ADD3: variants seen among roughly 807,000 people sequenced by gnomAD.
ADD3 encodes adducin 3.
A neutral mutation model predicts 80.2 loss-of-function variants in ADD3; 25 were observed. That is an observed-to-expected ratio of 0.31 (90% CI 0.23 to 0.44). The LOEUF (loss-of-function observed/expected upper bound fraction) is 0.44, where lower values mean the gene tolerates loss of function less well. ADD3 is among the 20% of genes least tolerant of loss of function. The pLI is 1.00. For missense variants in ADD3, 829 were observed against 847.5 expected (o/e 0.98, Z 0.27); for synonymous variants, 284 against 289.6 (o/e 0.98, Z 0.20).
At chr10:110,049,848 C>G (rs1425357454) in intron 1 of ADD3, among the ~76,000 whole-genome samples, 1 of 149,700 alleles carries the variant, frequency 6.7e-6, no homozygotes, top group African/African-American at 2.5e-5. Context: ...GATCGCGCCA[C>G]TGCACTCCAG....
chr10:110,119,416 G>A lies in ADD3; in HGVS notation c.862-50G>A, dbSNP rs369831974. ...TGCTGCTGCTGTTGATGAAAACAGT[G>A]TGAGCTATGCCAGTTATTTCAAGTG... On this transcript the variant is annotated intron_variant, in intron 7 of 14. Coordinates refer to ENST00000356080, the MANE Select transcript of ADD3 (RefSeq NM_016824.5). 173 of 1,613,336 alleles carry A rather than the reference G, an allele frequency of 1.1e-4. No homozygotes were observed. In the African/African-American group the frequency reaches 2.0e-3, roughly 19 times the overall value.
upstream of ADD3, chr10:110,005,988 A>ATGCTGC (rs200976177): frequency 7.2e-5 from 18 of 249,498 alleles, 2 homozygotes; most frequent in South Asian, 6.1e-4. Flanking sequence ...GCTGCTGCTA[A>ATGCTGC]TGCTGCTGCT....
intron 1 of ADD3, among the ~76,000 whole-genome samples, chr10:110,085,592 A>G (rs1205504990): frequency 1.3e-5 from 2 of 152,218 alleles, no homozygotes; most frequent in Admixed American, 1.3e-4. Context: ...GGAGATCTGC[A>G]TGGCATCGGA....
intron 10 of ADD3, 143 bp from the exon 11 acceptor site, chr10:110,125,683 A>G: frequency 2.1e-6 from 1 of 478,682 alleles, no homozygotes; most frequent in Non-Finnish European, 3.5e-6. Flanking sequence ...TATGAGATGA[A>G]ACTAATTCAC....
chr10:110,054,172 G>C (rs1857857017), intron 1 of ADD3, among the ~76,000 whole-genome samples: 1 of 152,162 alleles, frequency 6.6e-6, no homozygotes, highest in African/African-American at 2.4e-5. Context: ...AGATGTACCT[G>C]ACTTTGATTA....
intron 1 of ADD3, among the ~76,000 whole-genome samples, chr10:110,016,806 A>G (rs1853055397): frequency 6.6e-6 from 1 of 152,158 alleles, no homozygotes; most frequent in South Asian, 2.1e-4. Context: ...ATTTTCCAAA[A>G]ACTTACTGTG....
At chr10:110,049,153 C>G (rs1857215528) in intron 1 of ADD3, among the ~76,000 whole-genome samples, 1 of 152,196 alleles carries the variant, frequency 6.6e-6, no homozygotes, top group African/African-American at 2.4e-5. Context: ...TGGTTTTGAG[C>G]CTGTGGGTGC....
At chr10:110,132,924 CAAAAAA>C (rs60435351) in intron 14 of ADD3, among the ~76,000 whole-genome samples, 7 of 66,272 alleles carry the variant, frequency 1.1e-4, no homozygotes, top group African/African-American at 2.0e-4. Flanking sequence ...GACTCCGCCT[CAAAAAA>C]AAAAAAAAAA....
rs1341215222 is a variant in ADD3 at position 110,011,083 on chromosome 10, T to G, written c.-30+2784T>G. Among the ~76,000 whole-genome samples the G allele has an allele frequency of 2.2e-5, 3 of 133,832 alleles. No individual in the cohort carries two copies. The East Asian group carries it at 7.0e-4, about 31-fold the overall frequency. The allele number at this position is 133,832 out of a possible 152,430, so 87.8% of individuals were successfully genotyped here. A position where few individuals can be genotyped will look rare whatever the true frequency, so the allele number is the denominator to read the frequency against. On this transcript the variant is annotated intron_variant, in intron 1 of 14. Coordinates refer to ENST00000356080, the MANE Select transcript of ADD3 (RefSeq NM_016824.5). ...TTTCTAATTACTAAAGATACTAAAG[T>G]CTTTTTTTTTTTTTTTGAAGCTTAC...
In ADD3 at chr10:110,135,286, T is replaced by C. The variant is rs1853517994; in HGVS notation, c.*1668T>C. ...TTAATGTTCTACATCATTTATGTTGTATTACAATGTATGTAGAAATAGTAA... is the reference window on the plus strand; with the variant it reads ...TTAATGTTCTACATCATTTATGTTGCATTACAATGTATGTAGAAATAGTAA... On this transcript the variant is annotated 3_prime_UTR_variant, in exon 15 of 15. Coordinates refer to ENST00000356080, the MANE Select transcript of ADD3 (RefSeq NM_016824.5). 1 of 152,686 alleles carries C rather than the reference T, an allele frequency of 6.5e-6. No homozygotes were observed. Among genetic ancestry groups the C allele is most frequent in the Non-Finnish European group, 1.5e-5 (1 of 68,048 alleles). 9.5% of individuals were successfully genotyped at this position (152,686 alleles called of 1,614,324 possible). A position where few individuals can be genotyped will look rare whatever the true frequency, so the allele number is the denominator to read the frequency against.
chr10:110,015,084 A>G (rs955963290), intron 1 of ADD3, among the ~76,000 whole-genome samples: 1 of 152,164 alleles, frequency 6.6e-6, no homozygotes, highest in African/African-American at 2.4e-5. Flanking sequence ...CATGTTGGCC[A>G]GGATGGGAAG....
chr10:110,011,687 G>A (rs971637038), intron 1 of ADD3, among the ~76,000 whole-genome samples: 8 of 152,104 alleles, frequency 5.3e-5, no homozygotes, highest in African/African-American at 1.2e-4. Flanking sequence ...CCTTTTAAAC[G>A]TAGACCTATT....
intron 1 of ADD3, among the ~76,000 whole-genome samples, chr10:110,083,769 C>T (rs762902187): frequency 4.6e-5 from 7 of 152,082 alleles, no homozygotes; most frequent in African/African-American, 7.2e-5. Flanking sequence ...TTTTGGAAAA[C>T]TATAGTAGTT....
chr10:110,128,736 A>G (rs1852530135), intron 12 of ADD3, among the ~76,000 whole-genome samples: 1 of 152,204 alleles, frequency 6.6e-6, no homozygotes, highest in Non-Finnish European at 1.5e-5. Flanking sequence ...ATTTTTAATA[A>G]GAGTTCTTAT....
chr10:110,122,321 G>C (rs1249643291), intron 9 of ADD3, 29 bp downstream of exon 9: 1 of 1,599,178 alleles, frequency 6.3e-7, no homozygotes, highest in Non-Finnish European at 8.5e-7. Context: ...GTAAAACTTG[G>C]ATTTAATGTC....
chr10:110,079,461 A>AGAGTGTGT lies in ADD3; in HGVS notation c.-29-21163_-29-21162insAGTGTGTG, dbSNP rs1443672023. Reference sequence around the variant, plus strand: ...GAGAGAGAGAGAGAGAGAGAGAGAGAGTGTGTGTGTGTGTGTGTGTGTGTG... The same window carrying AGAGTGTGT: ...GAGAGAGAGAGAGAGAGAGAGAGAGAGAGTGTGTGTGTGTGTGTGTGTGTGTGTGTGTG... On this transcript the variant is annotated intron_variant, in intron 1 of 14. Transcript: ENST00000356080. 1.6e-3 allele frequency among the ~76,000 whole-genome samples: 160 copies of AGAGTGTGT among 97,438 alleles called. 1 individual carries two copies. The highest frequency in any genetic ancestry group is 7.1e-3 in the African/African-American group (156 of 21,906). The allele number at this position is 97,438 out of a possible 152,430, so 63.9% of individuals were successfully genotyped here. A position where few individuals can be genotyped will look rare whatever the true frequency, so the allele number is the denominator to read the frequency against.
intron 10 of ADD3, 95 bp downstream of exon 10, chr10:110,124,369 A>G: frequency 7.2e-7 from 1 of 1,381,056 alleles, no homozygotes; most frequent in South Asian, 1.4e-5. Flanking sequence ...TGGAAAGTAA[A>G]ATAATATTAA....
chr10:110,027,601 G>C (rs896494928), intron 1 of ADD3, among the ~76,000 whole-genome samples: 1 of 152,152 alleles, frequency 6.6e-6, no homozygotes, highest in Non-Finnish European at 1.5e-5. Context: ...CACAGTTCAA[G>C]TTTTCAGTAG....
intron 8 of ADD3, among the ~76,000 whole-genome samples, chr10:110,121,569 G>T (rs1851503299): frequency 6.6e-6 from 1 of 152,072 alleles, no homozygotes; most frequent in Non-Finnish European, 1.5e-5. Flanking sequence ...AAGAAAGGGG[G>T]AAAAGAACAA....
Sources: gnomAD v4.1 joint callset for allele counts (sites outside exome capture counted in the v4.1 genomes callset) on GRCh38, gnomAD v4.1.1 for gene constraint, MANE v1.5 for transcripts, NCBI Gene and HGNC (gene_info 2026-07-23, HGNC 2026-07-21) for gene names.